The following MGAM variants were observed in gnomAD, a reference collection of about 807,000 sequenced individuals.
The protein encoded by MGAM is maltase-glucoamylase.
In MGAM, 253 loss-of-function variants were observed where a neutral mutation model predicts 358.8. That is an observed-to-expected ratio of 0.71 (90% confidence interval 0.64 to 0.78). The LOEUF is 0.78. Among genes scored for constraint, MGAM ranks in the 30% least tolerant of loss-of-function variants. The pLI, the probability that MGAM is intolerant of heterozygous loss-of-function variation, is 0.00. For synonymous variants in MGAM, 1,105 were observed against 1,227.1 expected (o/e 0.90, Z 2.08); for missense variants, 3,080 against 3,432.6 (o/e 0.90, Z 2.57).
Position 142,065,403 on chromosome 7 carries a change from G to A in MGAM, c.4553G>A (p.Arg1518His), listed in dbSNP as rs763981731. ...ITRSTFPSSG[R>H]WAGHWLGDNT... Reference sequence around the variant, plus strand: ...CGCTCCACATTTCCCTCTTCTGGCCGCTGGGCAGGACATTGGCTGGGAGAC... The same window carrying A: ...CGCTCCACATTTCCCTCTTCTGGCCACTGGGCAGGACATTGGCTGGGAGAC... The change falls in exon 38 of 71, where the codon CGC becomes CAC. Residue 1518 changes from arginine (R) to histidine (H), a missense_variant. Physicochemically the swap from Arg to His is conservative, Grantham distance 29. Around this residue, in one of 5 missense-constraint regions of MGAM, gnomAD observed 134 missense variants for 198.4 expected, o/e 0.68. Transcript: ENST00000475668. 7.2e-5 allele frequency: 116 copies of A among 1,610,174 alleles called. 1 individual carries two copies. Among genetic ancestry groups the A allele is most frequent in the Non-Finnish European group, 8.9e-5 (105 of 1,178,230 alleles).
chr7:142,023,228 A>T (rs115716624), intron 7 of MGAM, among the ~76,000 whole-genome samples: 4,135 of 151,662 alleles, frequency 0.027, 136 homozygotes, highest in African/African-American at 0.076. Context: ...GCCTGGCCAA[A>T]TTTTTGTATT....
In MGAM at chr7:142,096,343, C is replaced by G. The variant is rs747859867; in HGVS notation, c.7620C>G (p.Asp2540Glu). The part of the protein sequence containing the change: ...VRPLLHEFVS[D>E]QVTWDIDSQF... ...TTTCCCTTTCCAGGTTTGTGTCAGA[C>G]CAGGTGACATGGGACATAGACAGTC... is the stretch of plus-strand genomic sequence containing the variant. Residue 2540 changes from aspartate (D) to glutamate (E), a missense_variant, in exon 65 of 71, where the codon GAC becomes GAG. Physicochemically the swap from Asp to Glu is conservative, Grantham distance 45. Around this residue, in one of 5 missense-constraint regions of MGAM, gnomAD observed 932 missense variants for 1,198.2 expected, o/e 0.78. Coordinates refer to ENST00000475668, the MANE Select transcript of MGAM (RefSeq NM_001365693.1). 4 of 1,613,228 alleles carry G rather than the reference C, an allele frequency of 2.5e-6. No individual in the cohort carries two copies. The highest frequency in any genetic ancestry group is 8.5e-7 in the Non-Finnish European group (1 of 1,179,490).
chr7:142,074,113 G>T lies in MGAM; in HGVS notation c.5215G>T (p.Ala1739Ser). 6.5e-7 allele frequency: 1 copy of T among 1,544,284 alleles called. No individual in the cohort carries two copies. The highest frequency in any genetic ancestry group is 8.9e-7 in the Non-Finnish European group (1 of 1,125,636). ...SRKNPLGLII[A>S]LDENKEAKGE... is the part of the protein sequence containing the mutation. Reference sequence around the variant, plus strand: ...AAAGAACCCTCTTGGTCTTATTATTGCCCTAGATGAAAACAAAGAAGCAAA... The same window carrying T: ...AAAGAACCCTCTTGGTCTTATTATTTCCCTAGATGAAAACAAAGAAGCAAA... The change falls in exon 45 of 71, where the codon GCC (alanine) becomes TCC (serine). Residue 1739 changes from alanine (A) to serine (S), a missense_variant. By Grantham distance (99) the Ala-to-Ser change is moderately conservative. Around this residue, in one of 5 missense-constraint regions of MGAM, gnomAD observed 932 missense variants for 1,198.2 expected, o/e 0.78. Coordinates refer to ENST00000475668, the MANE Select transcript of MGAM (RefSeq NM_001365693.1).
At chr7:141,993,473 A>G (rs1364640899), upstream of MGAM, among the ~76,000 whole-genome samples, 1 of 152,124 alleles carries the variant, frequency 6.6e-6, no homozygotes, top group Admixed American at 6.5e-5. Context: ...ACTTACCTTC[A>G]ATTTCTGTGC....
At chr7:142,013,708 A>G (rs552466333) in intron 3 of MGAM, among the ~76,000 whole-genome samples, 2 of 152,296 alleles carry the variant, frequency 1.3e-5, no homozygotes, top group Admixed American at 6.5e-5. Flanking sequence ...AAAGGCCCAC[A>G]TGCTTACTAC....
At chr7:142,010,456 C>T (rs1443141683) in intron 3 of MGAM, among the ~76,000 whole-genome samples, 3 of 151,690 alleles carry the variant, frequency 2.0e-5, no homozygotes, top group African/African-American at 7.3e-5. Flanking sequence ...TTGGCTCATC[C>T]CTTCTATCCC....
At position 142,019,410 on chromosome 7, in the gene MGAM, G is replaced by A. The variant is rs903848108; in HGVS notation, c.448+91G>A. ...GGGGCAGCCTGCAGAGTTCTGCTCT[G>A]TGGGGCCATATAACCACATGTGACA... On this transcript the variant is annotated intron_variant, in intron 4 of 70. Transcript: ENST00000475668. The A allele has an allele frequency of 8.7e-6, 12 of 1,382,452 alleles. No homozygotes were observed. The African/African-American group carries it at 1.7e-4, about 20-fold the overall frequency. The allele number at this position is 1,382,452 out of a possible 1,614,324, so 85.6% of individuals were successfully genotyped here.
At chr7:141,993,425 G>C (rs1385767979), upstream of MGAM, among the ~76,000 whole-genome samples, 1 of 152,156 alleles carries the variant, frequency 6.6e-6, no homozygotes, top group Non-Finnish European at 1.5e-5. Context: ...TCAATGACAT[G>C]AAATGATTCT....
chr7:142,097,679 G>A (rs1430073008), intron 66 of MGAM, 30 bp downstream of exon 66: 19 of 1,575,566 alleles, frequency 1.2e-5, no homozygotes, highest in Admixed American at 1.7e-5. Context: ...TATACAACAC[G>A]GGAAAATGGT....
Position 142,094,827 on chromosome 7 carries a change from C to CA in MGAM, c.7422_7423insA (p.Pro2475ThrfsTer47), listed in dbSNP as rs1815748662. ...GCTGGATGCAGCTGGGGGCCTTTTA[C>CA]CCCTTCTCAAGAAACCACAACACCA... On this transcript the variant is annotated frameshift_variant, in exon 63 of 71. Coordinates refer to ENST00000475668, the MANE Select transcript of MGAM (RefSeq NM_001365693.1). LOFTEE classifies it high-confidence loss of function. 6.2e-7 allele frequency: 1 copy of CA among 1,613,852 alleles called. No homozygotes were observed. Among genetic ancestry groups the CA allele is most frequent in the African/African-American group, 1.3e-5 (1 of 74,906 alleles).
intron 19 of MGAM, 65 bp from the exon 20 acceptor site, chr7:142,040,050 C>A: frequency 8.1e-7 from 1 of 1,234,632 alleles, no homozygotes; most frequent in Non-Finnish European, 1.2e-6. Context: ...TTAAGAAATT[C>A]CCTAGAGAAT....
At chr7:142,092,482 T>C (rs765173494) in intron 58 of MGAM, 39 bp from the exon 59 acceptor site, 1 of 1,477,210 alleles carries the variant, frequency 6.8e-7, no homozygotes, top group African/African-American at 1.4e-5. Flanking sequence ...GACGTAATTA[T>C]CTTAAAAAGT....
intron 43 of MGAM, among the ~76,000 whole-genome samples, chr7:142,070,370 G>C (rs138263421): frequency 0.013 from 1,844 of 146,268 alleles, 96 homozygotes; most frequent in African/African-American, 0.043. Context: ...AAATCTGGTT[G>C]TTAGCTGATT....
chr7:142,027,093 T>C, intron 8 of MGAM, 22 bp from the exon 9 acceptor site: 1 of 1,547,642 alleles, frequency 6.5e-7, no homozygotes, highest in South Asian at 1.1e-5. Flanking sequence ...ATTTTTATTT[T>C]CTTCATTTTT....
At position 142,094,506 on chromosome 7, in the gene MGAM, G is replaced by A; in HGVS notation, c.7306+9G>A. On this transcript the variant is annotated intron_variant, in intron 61 of 70. Transcript: ENST00000475668. ...GAAGAAGTCTATCATTGGTGCGTGGGTCCTTCCCAGGGCCTGTGCCGGTAG... is the reference window on the plus strand; with the variant it reads ...GAAGAAGTCTATCATTGGTGCGTGGATCCTTCCCAGGGCCTGTGCCGGTAG... 6 of 1,549,658 alleles carry A rather than the reference G, an allele frequency of 3.9e-6. 1 individual carries two copies. The highest frequency in any genetic ancestry group is 5.3e-6 in the Non-Finnish European group (6 of 1,128,900).
chr7:142,021,802 A>G, intron 6 of MGAM, 65 bp downstream of exon 6: 1 of 1,525,142 alleles, frequency 6.6e-7, no homozygotes, highest in Non-Finnish European at 9.1e-7. Context: ...GTAAGCATGA[A>G]GAAGGGGGTG....
intron 3 of MGAM, among the ~76,000 whole-genome samples, chr7:142,009,018 G>A (rs1294784348): frequency 2.0e-5 from 3 of 152,118 alleles, no homozygotes; most frequent in South Asian, 4.2e-4. Context: ...AAAGATTTTG[G>A]GCTTACTTAC....
Position 142,074,589 on chromosome 7 carries a change from C to T in MGAM, c.5275+416C>T, listed in dbSNP as rs1328120787. Among the ~76,000 whole-genome samples the T allele has an allele frequency of 6.2e-5, 9 of 146,046 alleles. 1 individual carries two copies. Among genetic ancestry groups the T allele is most frequent in the Non-Finnish European group, 7.7e-5 (5 of 64,554 alleles). On this transcript the variant is annotated intron_variant, in intron 45 of 70. Coordinates refer to ENST00000475668, the MANE Select transcript of MGAM (RefSeq NM_001365693.1). ...TCTAGTGTGTACTCAGCTAGCCATA[C>T]GTTTTAGCATATTTGTGGGTCCAGT...
intron 50 of MGAM, among the ~76,000 whole-genome samples, chr7:142,081,422 G>T (rs1332158659): frequency 6.9e-6 from 1 of 145,482 alleles, no homozygotes; most frequent in Non-Finnish European, 1.6e-5. Context: ...GGATGAGAAG[G>T]AGCCACCCAC....
Sources: gnomAD v4.1 joint callset for allele counts (sites outside exome capture counted in the v4.1 genomes callset) on GRCh38, gnomAD v4.1.1 for gene constraint, gnomAD v4.1.1 regional missense constraint, MANE v1.5 for transcripts, NCBI Gene and HGNC (gene_info 2026-07-23, HGNC 2026-07-21) for gene names.